Variants in ZNF618 observed in about 807,000 individuals in gnomAD.
ZNF618 encodes the protein zinc finger protein 618, also known as neural precursor cell expressed, developmentally down-regulated 10.
In ZNF618, 34 loss-of-function variants were observed where a neutral mutation model predicts 103.0. The observed-to-expected ratio is 0.33, with a 90% CI of 0.25 to 0.44. The LOEUF is 0.44. Ranked by LOEUF, ZNF618 falls within the 20% of genes least tolerant of loss-of-function variation. The pLI is 1.00. For missense variants in ZNF618, 1,059 were observed against 1,295.4 expected, an observed-to-expected ratio of 0.82 and a Z score of 2.80; for synonymous variants, 551 against 542.2, an observed-to-expected ratio of 1.02 and a Z score of -0.23.
chr9:113,986,791 C>G (rs138985163), intron 2 of ZNF618, among the ~76,000 whole-genome samples: 2,165 of 152,300 alleles, frequency 0.014, 29 homozygotes, highest in Non-Finnish European at 0.023. Context: ...CTGGGGGCTC[C>G]CCTCTCTATC....
At chr9:114,048,060 C>A in intron 14 of ZNF618, 66 bp downstream of exon 14, 1 of 1,321,754 alleles carries the variant, frequency 7.6e-7, no homozygotes, top group Non-Finnish European at 1.1e-6. Flanking sequence ...CTCTCTGCCC[C>A]CCATTCCCAC....
rs1434755698 is a variant in ZNF618 at position 114,047,865 on chromosome 9, T to TA, written c.1247-26dup. The TA allele has an allele frequency of 1.9e-6, 3 of 1,568,190 alleles. No homozygotes were observed. The South Asian group carries it at 3.5e-5, about 18-fold the overall frequency. The stretch of plus-strand genomic sequence containing the variant: ...TCAACAGGCCTCTTACCCTTCCAGG[T>TA]AACACACTGTCCCCTTTGTGCCCAC... On this transcript the variant is annotated intron_variant, in intron 13 of 14. Coordinates refer to ENST00000374126, the MANE Select transcript of ZNF618 (RefSeq NM_001318042.2).
At chr9:113,958,705 T>C (rs1836549613) in intron 1 of ZNF618, among the ~76,000 whole-genome samples, 2 of 152,226 alleles carry the variant, frequency 1.3e-5, no homozygotes. Flanking sequence ...GGCTTCTTTC[T>C]TCCTGGTGTA....
Position 114,056,545 on chromosome 9 carries a change from T to C in ZNF618, c.*6378T>C, listed in dbSNP as rs1235799174. 1 of 152,264 alleles carries C rather than the reference T, an allele frequency of 6.6e-6. No homozygotes were observed. The highest frequency in any genetic ancestry group is 1.5e-5 in the Non-Finnish European group (1 of 68,054). 9.4% of individuals were successfully genotyped at this position (152,264 alleles called of 1,614,324 possible). On this transcript the variant is annotated 3_prime_UTR_variant, in exon 15 of 15. Transcript: ENST00000374126. ...GAGAGGATCAGTTGCTTAAATGATT[T>C]CATGTCAGTGTTGTATTTATGGTTT...
intron 1 of ZNF618, among the ~76,000 whole-genome samples, chr9:113,933,888 C>T (rs73554413): frequency 0.048 from 7,290 of 151,926 alleles, 177 homozygotes; most frequent in African/African-American, 0.066. Context: ...TGGATTGCAG[C>T]TCCTGTGGGG....
At chr9:113,998,437 C>A in intron 4 of ZNF618, 83 bp downstream of exon 4, 2 of 1,280,202 alleles carry the variant, frequency 1.6e-6, no homozygotes, top group Non-Finnish European at 2.2e-6. Flanking sequence ...AGTTACAGAC[C>A]TGAGTAAGCA....
At position 114,049,548 on chromosome 9, in the gene ZNF618, T is replaced by C; in HGVS notation, c.2246T>C (p.Leu749Pro). Residue 749 changes from leucine (L) to proline (P), a missense_variant, in exon 15 of 15, where the codon CTG becomes CCG. Coordinates refer to ENST00000374126, the MANE Select transcript of ZNF618 (RefSeq NM_001318042.2). The stretch of plus-strand genomic sequence containing the variant: ...CCGGTGAAGCAGGCAGTCATCGAGC[T>C]GAGCAACGAGAGCCAGCCCACCCTG... ...LTPVKQAVIELSNESQPTLQL... is the reference protein window; with the variant it reads ...LTPVKQAVIEPSNESQPTLQL... 6.2e-7 allele frequency: 1 copy of C among 1,613,862 alleles called. No homozygotes were observed. Among genetic ancestry groups the C allele is most frequent in the South Asian group, 1.1e-5 (1 of 91,080 alleles).
intron 1 of ZNF618, among the ~76,000 whole-genome samples, chr9:113,939,724 T>C (rs1235126245): frequency 6.6e-6 from 1 of 152,126 alleles, no homozygotes; most frequent in Non-Finnish European, 1.5e-5. Context: ...ATTTCATGTA[T>C]AATTGAAGAT....
intron 11 of ZNF618, 118 bp downstream of exon 11, chr9:114,029,090 G>C: frequency 7.2e-7 from 1 of 1,391,416 alleles, no homozygotes; most frequent in Non-Finnish European, 9.6e-7. Context: ...GTCCCGTAGT[G>C]ATCTGGGACA....
intron 1 of ZNF618, among the ~76,000 whole-genome samples, chr9:113,911,966 G>C (rs571150358): frequency 5.3e-4 from 80 of 152,268 alleles, no homozygotes; most frequent in Non-Finnish European, 9.3e-4. Flanking sequence ...GTGTTAGCTT[G>C]TCCTAGAACG....
intron 1 of ZNF618, among the ~76,000 whole-genome samples, chr9:113,960,859 G>A (rs1836774998): frequency 6.6e-6 from 1 of 152,222 alleles, no homozygotes; most frequent in Non-Finnish European, 1.5e-5. Context: ...AGTCCAGAGG[G>A]AGGCGTGGGC....
At chr9:113,975,818 T>TG (rs1307181295) in intron 2 of ZNF618, among the ~76,000 whole-genome samples, 1 of 152,208 alleles carries the variant, frequency 6.6e-6, no homozygotes, top group Non-Finnish European at 1.5e-5. Flanking sequence ...GGGTATGTTT[T>TG]GGGAGGTATC....
At position 114,008,514 on chromosome 9, in the gene ZNF618, G is replaced by A; in HGVS notation, c.714G>A (p.Val238=). ...FDQGVVATDE[V]KEEPPEPFQK... is the part of the protein sequence containing the mutation. ...AAGGTGTCGTGGCCACGGACGAGGT[G>A]AAGGAGGAGCCCCCGGAGCCATTCC... The change falls in exon 9 of 15, where the codon GTG becomes GTA. Residue 238 remains valine, a synonymous_variant. Transcript: ENST00000374126. The A allele has an allele frequency of 6.2e-7, 1 of 1,614,028 alleles. No individual in the cohort carries two copies. Among genetic ancestry groups the A allele is most frequent in the Non-Finnish European group, 8.5e-7 (1 of 1,179,882 alleles).
At chr9:113,891,063 G>A (rs901280139) in intron 1 of ZNF618, among the ~76,000 whole-genome samples, 1 of 152,046 alleles carries the variant, frequency 6.6e-6, no homozygotes, top group Admixed American at 6.6e-5. Flanking sequence ...CTTAGTTGAT[G>A]TTATTTAGTG....
chr9:113,999,558 AC>A (rs907381613), intron 4 of ZNF618, among the ~76,000 whole-genome samples: 2 of 152,138 alleles, frequency 1.3e-5, no homozygotes. Context: ...CTGTGGGGTG[AC>A]ACCTGCAGGC....
At chr9:113,907,938 G>A (rs1831136457) in intron 1 of ZNF618, among the ~76,000 whole-genome samples, 1 of 152,224 alleles carries the variant, frequency 6.6e-6, no homozygotes, top group Non-Finnish European at 1.5e-5. Flanking sequence ...TGAGTCTGCA[G>A]TGTGGGATCC....
intron 13 of ZNF618, among the ~76,000 whole-genome samples, chr9:114,046,508 A>T (rs1157903594): frequency 6.6e-6 from 1 of 152,210 alleles, no homozygotes; most frequent in African/African-American, 2.4e-5. Flanking sequence ...ATGTTTGCAC[A>T]ATGACAAAAT....
At chr9:113,980,383 G>A (rs866358657) in intron 2 of ZNF618, among the ~76,000 whole-genome samples, 1 of 151,934 alleles carries the variant, frequency 6.6e-6, no homozygotes, top group Admixed American at 6.6e-5. Context: ...GAGTTCGGTG[G>A]GGGGCCAGTC....
chr9:114,014,109 A>G (rs761775986), intron 9 of ZNF618, among the ~76,000 whole-genome samples: 3 of 152,250 alleles, frequency 2.0e-5, no homozygotes, highest in Non-Finnish European at 4.4e-5. Context: ...AATATCAGAG[A>G]ATAATGGAAA....
Sources: gnomAD v4.1 joint callset for allele counts (sites outside exome capture counted in the v4.1 genomes callset) on GRCh38, gnomAD v4.1.1 for gene constraint, MANE v1.5 for transcripts, NCBI Gene and HGNC (gene_info 2026-07-23, HGNC 2026-07-21) for gene names.